Variants in C8orf74 observed in about 807,000 individuals in gnomAD.
C8orf74 encodes the protein uncharacterized protein C8orf74.
C8orf74 carries 29 observed loss-of-function variants against 22.2 expected under a neutral mutation model. The observed-to-expected ratio is 1.31, with a 90% CI of 0.97 to 1.78. The LOEUF (loss-of-function observed/expected upper bound fraction) is 1.78, where lower values mean the gene tolerates loss of function less well. C8orf74 is among the 40% of genes most tolerant of loss of function. The probability of loss-of-function intolerance (pLI) is 0.00; values close to 1 mark genes in which losing one functional copy is unlikely to be tolerated. For missense variants in C8orf74, 515 were observed against 369.9 expected (o/e 1.39, Z -3.22); for synonymous variants, 255 against 163.1 (o/e 1.56, Z -4.30).
intron 2 of C8orf74, among the ~76,000 whole-genome samples, chr8:10,685,706 G>A (rs905892003): frequency 6.6e-6 from 1 of 152,206 alleles, no homozygotes; most frequent in African/African-American, 2.4e-5. Flanking sequence ...AGAAAGCTCT[G>A]GAGATGGATG....
In C8orf74 at chr8:10,700,483, T is replaced by C. The variant is rs1246151576; in HGVS notation, c.*12T>C. 6.6e-7 allele frequency: 1 copy of C among 1,513,402 alleles called. No homozygotes were observed. Among genetic ancestry groups the C allele is most frequent in the Non-Finnish European group, 8.9e-7 (1 of 1,121,406 alleles). The allele number at this position is 1,513,402 out of a possible 1,614,324, so 93.7% of individuals were successfully genotyped here. A position where few individuals can be genotyped will look rare whatever the true frequency, so the allele number is the denominator to read the frequency against. The stretch of plus-strand genomic sequence containing the variant: ...AGGCAAGGAAGTAGAAGGTCCCGAC[T>C]GCCACACGAGACTGACTGGGGACCA... On this transcript the variant is annotated 3_prime_UTR_variant, in exon 4 of 4. Transcript: ENST00000304519.
chr8:10,696,958 GAAA>G (rs60560452), intron 2 of C8orf74, among the ~76,000 whole-genome samples: 2 of 104,340 alleles, frequency 1.9e-5, no homozygotes, highest in Non-Finnish European at 4.2e-5. Flanking sequence ...CCAGGAGTTC[GAAA>G]AAAAAAAAAA....
intron 2 of C8orf74, among the ~76,000 whole-genome samples, chr8:10,681,602 G>T (rs914732289): frequency 6.6e-6 from 1 of 152,194 alleles, no homozygotes; most frequent in Non-Finnish European, 1.5e-5. Flanking sequence ...GAGCCTGGAG[G>T]TGTCCCACCT....
At chr8:10,695,565 C>T (rs77729975) in intron 2 of C8orf74, among the ~76,000 whole-genome samples, 10,861 of 152,208 alleles carry the variant, frequency 0.071, 1,222 homozygotes, top group African/African-American at 0.24. Context: ...GTCTCCACCC[C>T]CTGGGTATTT....
At chr8:10,685,473 G>A (rs1306187887) in intron 2 of C8orf74, among the ~76,000 whole-genome samples, 3 of 152,222 alleles carry the variant, frequency 2.0e-5, no homozygotes, top group Non-Finnish European at 4.4e-5. Flanking sequence ...ACAAAGGAAG[G>A]CAATTCTGTC....
At chr8:10,682,545 T>G (rs1320988907) in intron 2 of C8orf74, among the ~76,000 whole-genome samples, 1 of 152,192 alleles carries the variant, frequency 6.6e-6, no homozygotes, top group African/African-American at 2.4e-5. Context: ...CCCTGGCGTC[T>G]CTGTGTGTGT....
chr8:10,696,436 CTTTTCTTTT>C (rs1586052621), intron 2 of C8orf74, among the ~76,000 whole-genome samples: 6 of 130,808 alleles, frequency 4.6e-5, no homozygotes, highest in African/African-American at 2.0e-4. Flanking sequence ...CTTTTCTTTT[CTTTTCTTTT>C]TTTTTTTTTT....
At chr8:10,695,199 CA>C (rs1473000327) in intron 2 of C8orf74, among the ~76,000 whole-genome samples, 1 of 152,146 alleles carries the variant, frequency 6.6e-6, no homozygotes, top group Admixed American at 6.5e-5. Context: ...CGAAGCTGGA[CA>C]TCTTACCCCA....
At chr8:10,683,182 C>T (rs1411224151) in intron 2 of C8orf74, among the ~76,000 whole-genome samples, 2 of 152,250 alleles carry the variant, frequency 1.3e-5, no homozygotes, top group Non-Finnish European at 2.9e-5. Context: ...AGGTCACACA[C>T]CTGCTGACTT....
intron 2 of C8orf74, chr8:10,688,265 T>A (rs1020207591): frequency 6.6e-6 from 1 of 151,586 alleles, no homozygotes; most frequent in Admixed American, 6.6e-5. Flanking sequence ...ACCAAAAGCC[T>A]CTTTCTGACT....
chr8:10,694,836 A>G (rs754359677), intron 2 of C8orf74, among the ~76,000 whole-genome samples: 2 of 152,148 alleles, frequency 1.3e-5, no homozygotes, highest in Non-Finnish European at 2.9e-5. Flanking sequence ...GAATGGATAA[A>G]CAAACGGGTG....
At chr8:10,698,699 C>T (rs540399751) in intron 3 of C8orf74, among the ~76,000 whole-genome samples, 1 of 152,274 alleles carries the variant, frequency 6.6e-6, no homozygotes, top group Admixed American at 6.5e-5. Context: ...TACATAGGCA[C>T]TGAAGTCATC....
Position 10,700,388 on chromosome 8 carries a change from C to G in C8orf74, c.802C>G (p.Pro268Ala), listed in dbSNP as rs757710005. The G allele has an allele frequency of 1.9e-6, 3 of 1,613,256 alleles. No homozygotes were observed. ...NLNAPTPIPP[P>A]ITSHAGQEEA... ...CAACGCCCCCACCCCTATCCCGCCC[C>G]CCATCACCAGCCACGCAGGCCAGGA... Residue 268 changes from proline to alanine, a missense_variant, in exon 4 of 4, where the codon CCC (proline) becomes GCC (alanine). By Grantham distance (27) the Pro-to-Ala change is conservative. Transcript: ENST00000304519.
At chr8:10,699,084 G>C (rs1407847821) in intron 3 of C8orf74, among the ~76,000 whole-genome samples, 2 of 152,184 alleles carry the variant, frequency 1.3e-5, no homozygotes, top group African/African-American at 4.8e-5. Flanking sequence ...CAAAACCCAC[G>C]CAACAGTCTA....
chr8:10,696,836 C>T (rs1056548345), intron 2 of C8orf74, among the ~76,000 whole-genome samples: 10 of 151,564 alleles, frequency 6.6e-5, no homozygotes, highest in Admixed American at 2.0e-4. Context: ...TAAAGCACAG[C>T]GAAAGTAACT....
rs773081589 is a variant in C8orf74, at chr8:10,674,733, G to A, written c.136G>A (p.Asp46Asn). Residue 46 changes from aspartate to asparagine, a missense_variant, in exon 2 of 4, where the codon GAC becomes AAC. By Grantham distance (23) the Asp-to-Asn change is conservative (BLOSUM62 1). Transcript: ENST00000304519. ...QRDSRRSILL[D>N]TLYESIIFAV... The stretch of plus-strand genomic sequence containing the variant: ...AGACTCCCGGAGGAGCATCCTGCTG[G>A]ACACCCTCTACGAGAGCATCATCTT... The A allele has an allele frequency of 9.9e-6, 16 of 1,608,138 alleles. No homozygotes were observed. In the African/African-American group the frequency reaches 2.0e-4, roughly 20 times the overall value.
chr8:10,691,051 C>T (rs1031531040), intron 2 of C8orf74: 10 of 416,282 alleles, frequency 2.4e-5, no homozygotes, highest in Admixed American at 7.4e-5. Flanking sequence ...CTTCTCAACC[C>T]GAGGCCCAGG....
chr8:10,681,362 G>A (rs920939518), intron 2 of C8orf74, among the ~76,000 whole-genome samples: 2 of 152,186 alleles, frequency 1.3e-5, no homozygotes, highest in African/African-American at 2.4e-5. Flanking sequence ...GCCACCAGCC[G>A]TGGCACAGAG....
Position 10,674,764 on chromosome 8 carries a change from TG to T in C8orf74, c.170del (p.Gly57AlafsTer20). The T allele has an allele frequency of 1.9e-6, 3 of 1,607,150 alleles. No homozygotes were observed. The highest frequency in any genetic ancestry group is 2.5e-6 in the Non-Finnish European group (3 of 1,176,932). On this transcript the variant is annotated frameshift_variant, in exon 2 of 4. Transcript: ENST00000304519. LOFTEE classifies it high-confidence loss of function. ...DTLYESIIFA[V>X]GKGFPWVEVA... ...CTCTACGAGAGCATCATCTTTGCAG[TG>T]GGCAAAGGCTTCCCATGGGTGGAGG...
Sources: gnomAD v4.1 joint callset for allele counts (sites outside exome capture counted in the v4.1 genomes callset) on GRCh38, gnomAD v4.1.1 for gene constraint, MANE v1.5 for transcripts, NCBI Gene and HGNC (gene_info 2026-07-23, HGNC 2026-07-21) for gene names.